Variants in ATP6V1H observed in about 807,000 individuals in gnomAD.
The protein encoded by ATP6V1H is ATPase H+ transporting V1 subunit H.
ATP6V1H carries 39 observed loss-of-function variants against 71.7 expected under a neutral mutation model. That is an observed-to-expected ratio of 0.54 (90% CI 0.42 to 0.71). The LOEUF is 0.71. Among genes scored for constraint, ATP6V1H ranks in the 30% least tolerant of loss-of-function variants. The pLI, the probability that ATP6V1H is intolerant of heterozygous loss-of-function variation, is 0.00. For synonymous variants in ATP6V1H, 192 were observed against 199.3 expected, an observed-to-expected ratio of 0.96 and a Z score of 0.31; for missense variants, 509 against 594.9, an observed-to-expected ratio of 0.86 and a Z score of 1.50.
At chr8:53,800,460 ACTCTATT>A (rs1012903897) in intron 8 of ATP6V1H, among the ~76,000 whole-genome samples, 1 of 152,208 alleles carries the variant, frequency 6.6e-6, no homozygotes, top group African/African-American at 2.4e-5. Context: ...GATAGATTGC[ACTCTATT>A]CTCTAACAAT....
At chr8:53,839,953 C>G in intron 2 of ATP6V1H, 1 of 981,026 alleles carries the variant, frequency 1.0e-6, no homozygotes, top group Middle Eastern at 5.3e-4. Context: ...AGCCTCAGCT[C>G]TCTGCATTGC....
At chr8:53,841,913 T>C (rs1163186516) in intron 1 of ATP6V1H, among the ~76,000 whole-genome samples, 188 bp from the exon 2 acceptor site, 1 of 152,214 alleles carries the variant, frequency 6.6e-6, no homozygotes, top group Non-Finnish European at 1.5e-5. Context: ...AAAGAGTTCT[T>C]TAGGCTTTTG....
chr8:53,787,487 TGA>T (rs1809425887), intron 9 of ATP6V1H, among the ~76,000 whole-genome samples: 1 of 152,234 alleles, frequency 6.6e-6, no homozygotes, highest in Non-Finnish European at 1.5e-5. Context: ...TGTGTAGATG[TGA>T]ATTAAACATC....
intron 4 of ATP6V1H, among the ~76,000 whole-genome samples, chr8:53,821,191 T>C (rs1810642514): frequency 6.6e-6 from 1 of 150,506 alleles, no homozygotes; most frequent in Non-Finnish European, 1.5e-5. Context: ...ACCAACATGG[T>C]AAAACTCCAT....
At chr8:53,812,922 TG>T (rs1810328124) in intron 6 of ATP6V1H, among the ~76,000 whole-genome samples, 3 of 152,144 alleles carry the variant, frequency 2.0e-5, no homozygotes, top group Admixed American at 2.0e-4. Context: ...CTCAAACTCC[TG>T]GGCTCAAGTA....
intron 13 of ATP6V1H, among the ~76,000 whole-genome samples, chr8:53,724,776 C>T (rs137911565): frequency 8.5e-4 from 129 of 151,642 alleles, no homozygotes; most frequent in African/African-American, 2.9e-3. Context: ...GTTTCTGTTA[C>T]ATCATTAGAT....
intron 7 of ATP6V1H, chr8:53,806,824 T>G (rs907207387): frequency 1.5e-4 from 70 of 455,142 alleles, no homozygotes; most frequent in Non-Finnish European, 2.9e-4. Context: ...TATAATCAAG[T>G]GTTGAACAGC....
At chr8:53,763,241 T>C (rs1808340714) in intron 11 of ATP6V1H, among the ~76,000 whole-genome samples, 1 of 152,096 alleles carries the variant, frequency 6.6e-6, no homozygotes, top group Admixed American at 6.6e-5. Context: ...AGGAATCCAA[T>C]AAAGACAAAG....
At chr8:53,719,378 C>T (rs1481361959) in intron 13 of ATP6V1H, among the ~76,000 whole-genome samples, 2 of 152,084 alleles carry the variant, frequency 1.3e-5, no homozygotes, top group Non-Finnish European at 2.9e-5. Flanking sequence ...GCCATGTTGG[C>T]CAGGCTGGTC....
intron 7 of ATP6V1H, among the ~76,000 whole-genome samples, chr8:53,808,896 GT>G (rs1276522950): frequency 6.6e-6 from 1 of 151,990 alleles, no homozygotes; most frequent in African/African-American, 2.4e-5. Flanking sequence ...GTTGAATCAT[GT>G]TTATTTCACA....
At chr8:53,840,942 AATAC>A (rs1811323936) in intron 2 of ATP6V1H, among the ~76,000 whole-genome samples, 2 of 152,210 alleles carry the variant, frequency 1.3e-5, no homozygotes, top group Admixed American at 6.5e-5. Flanking sequence ...ATTAAATATT[AATAC>A]ATACAAGAAA....
intron 13 of ATP6V1H, among the ~76,000 whole-genome samples, chr8:53,728,636 C>T (rs895857570): frequency 1.3e-5 from 2 of 152,194 alleles, no homozygotes; most frequent in South Asian, 2.1e-4. Flanking sequence ...GCCATCCACT[C>T]GACGGCATTT....
intron 9 of ATP6V1H, among the ~76,000 whole-genome samples, chr8:53,780,138 G>A (rs1396763106): frequency 2.8e-5 from 4 of 145,116 alleles, no homozygotes; most frequent in Non-Finnish European, 6.0e-5. Flanking sequence ...CAGCCTCGGT[G>A]ACAGGGTGAG....
At chr8:53,727,095 G>T (rs1290056610) in intron 13 of ATP6V1H, among the ~76,000 whole-genome samples, 2 of 152,206 alleles carry the variant, frequency 1.3e-5, no homozygotes, top group African/African-American at 4.8e-5. Context: ...GTATCGGCAG[G>T]AAAGTTTTCC....
At chr8:53,840,038 C>G (rs1046854751) in intron 2 of ATP6V1H, 1 of 494,496 alleles carries the variant, frequency 2.0e-6, no homozygotes, top group Non-Finnish European at 2.6e-6. Flanking sequence ...ATTATCTGTT[C>G]TATTCCCAAG....
rs554599225 is a variant in ATP6V1H, at chr8:53,730,615, T to C, written c.1391+12962A>G. On this transcript the variant is annotated intron_variant, in intron 13 of 13. Coordinates refer to ENST00000359530, the MANE Select transcript of ATP6V1H (RefSeq NM_015941.4). The stretch of plus-strand genomic sequence containing the variant: ...CTCTGAGGAGATCTGTGCCCACGTA[T>C]TCAGGGCTGCAGGGTCATAATGTCT... Among the ~76,000 whole-genome samples, 5 of 152,278 alleles carry C rather than the reference T, an allele frequency of 3.3e-5. No homozygotes were observed. The South Asian group carries it at 8.3e-4, about 25-fold the overall frequency.
At chr8:53,736,092 T>A (rs1296734199) in intron 13 of ATP6V1H, among the ~76,000 whole-genome samples, 2 of 152,226 alleles carry the variant, frequency 1.3e-5, no homozygotes, top group Non-Finnish European at 2.9e-5. Context: ...GGCCTAGTAG[T>A]ATTCTTGTAT....
intron 4 of ATP6V1H, among the ~76,000 whole-genome samples, chr8:53,827,219 C>T (rs896008352): frequency 5.3e-5 from 8 of 151,480 alleles, no homozygotes; most frequent in African/African-American, 1.9e-4. Context: ...CTCGTCTCTA[C>T]TAAAAACACA....
intron 9 of ATP6V1H, among the ~76,000 whole-genome samples, chr8:53,774,743 C>G (rs1254761881): frequency 6.6e-6 from 1 of 152,004 alleles, no homozygotes; most frequent in Non-Finnish European, 1.5e-5. Flanking sequence ...TCTACTTTTA[C>G]ATATGGCTCT....
Sources: allele counts gnomAD v4.1 joint callset (sites outside exome capture counted in the v4.1 genomes callset), GRCh38; gene constraint gnomAD v4.1.1; transcripts MANE v1.5; gene names NCBI Gene and HGNC (gene_info 2026-07-23, HGNC 2026-07-21).